USP10: variants seen among roughly 807,000 people sequenced by gnomAD.
USP10 encodes ubiquitin carboxyl-terminal hydrolase 10.
In USP10, 22 loss-of-function variants were observed where a neutral mutation model predicts 84.5. That is an observed-to-expected ratio of 0.26 (90% CI 0.19 to 0.37). The LOEUF is 0.37. Ranked by LOEUF, USP10 falls within the 10% of genes least tolerant of loss-of-function variation. The pLI, the probability that USP10 is intolerant of heterozygous loss-of-function variation, is 1.00. For synonymous variants in USP10, 454 were observed against 387.6 expected (o/e 1.17, Z -2.01); for missense variants, 1,019 against 998.9 (o/e 1.02, Z -0.27).
chr16:84,769,534 A>T (rs1914206356), intron 11 of USP10, among the ~76,000 whole-genome samples: 1 of 152,006 alleles, frequency 6.6e-6, no homozygotes, highest in South Asian at 2.1e-4. Context: ...GAGAGAGGGA[A>T]AAAGTGGTAT....
intron 4 of USP10, among the ~76,000 whole-genome samples, chr16:84,747,338 G>C (rs1010991752): frequency 3.3e-5 from 5 of 152,152 alleles, no homozygotes; most frequent in Non-Finnish European, 7.4e-5. Context: ...CACACCCTTC[G>C]ATGGATGGTC....
rs773350766 is a variant in USP10, at chr16:84,733,493, C to T, written c.80C>T (p.Ser27Phe). ...AATCAATTCTTTGTGACTCCTCGAT[C>T]TTCAGTTGAGGTAAGACAAAACTTT... ...EFNQFFVTPR[S>F]SVELPPYSGT... The change falls in exon 2 of 14, where the codon TCT (serine) becomes TTT (phenylalanine). Residue 27 changes from serine (S) to phenylalanine (F), a missense_variant. Coordinates refer to ENST00000219473, the MANE Select transcript of USP10 (RefSeq NM_005153.3). 23 of 1,609,338 alleles carry T rather than the reference C, an allele frequency of 1.4e-5. No individual in the cohort carries two copies. The highest frequency in any genetic ancestry group is 2.0e-5 in the Non-Finnish European group (23 of 1,178,704).
chr16:84,764,931 GAA>G (rs543483741), intron 10 of USP10, among the ~76,000 whole-genome samples: 1 of 39,256 alleles, frequency 2.5e-5, no homozygotes, highest in African/African-American at 8.7e-5. Context: ...GAGAGAGAGA[GAA>G]AAAAAAATAT....
chr16:84,705,752 C>G, intron 1 of USP10, among the ~76,000 whole-genome samples: 1 of 116,560 alleles, frequency 8.6e-6, no homozygotes. Flanking sequence ...GACAGTCTTG[C>G]TCTGTTGCCC....
At chr16:84,740,514 T>C (rs4510001) in intron 3 of USP10, 145 bp downstream of exon 3, 413,864 of 616,408 alleles carry the variant, frequency 0.67, 145,391 homozygotes, top group East Asian at 0.95. Context: ...TGTATTTAAT[T>C]GCTGAATCAC....
intron 12 of USP10, among the ~76,000 whole-genome samples, chr16:84,774,925 C>T (rs1409279205): frequency 3.3e-5 from 5 of 152,208 alleles, no homozygotes; most frequent in Non-Finnish European, 5.9e-5. Flanking sequence ...ATCACAGCCT[C>T]GGCCGTTGCT....
At chr16:84,726,728 G>T (rs142373988) in intron 1 of USP10, among the ~76,000 whole-genome samples, 1 of 152,244 alleles carries the variant, frequency 6.6e-6, no homozygotes, top group Admixed American at 6.5e-5. Flanking sequence ...AGGGGAAGTG[G>T]TGGAGGGGAA....
intron 1 of USP10, among the ~76,000 whole-genome samples, chr16:84,722,414 G>A (rs1230266110): frequency 6.6e-6 from 1 of 152,206 alleles, no homozygotes; most frequent in East Asian, 1.9e-4. Context: ...GTGGACATAG[G>A]TTTTCATTTC....
Position 84,757,402 on chromosome 16 carries a change from GGTGTGT to G in USP10, c.1193-1275_1193-1270del, listed in dbSNP as rs58812391. Among the ~76,000 whole-genome samples the G allele has an allele frequency of 4.9e-3, 404 of 82,848 alleles. 2 individuals are homozygous for G. Among genetic ancestry groups the G allele is most frequent in the East Asian group, 0.011 (41 of 3,700 alleles). The allele number at this position is 82,848 out of a possible 152,430, so 54.4% of individuals were successfully genotyped here. A position where few individuals can be genotyped will look rare whatever the true frequency, so the allele number is the denominator to read the frequency against. On this transcript the variant is annotated intron_variant, in intron 4 of 13. Transcript: ENST00000219473. ...GGAAGGAGGGAATGAGAGGGGTGGG[GGTGTGT>G]GTGTGTGTGTGTGTGTGTGTGTGTG... is the stretch of plus-strand genomic sequence containing the variant.
At chr16:84,712,041 C>CAGA (rs1247400210) in intron 1 of USP10, among the ~76,000 whole-genome samples, 1 of 152,098 alleles carries the variant, frequency 6.6e-6, no homozygotes, top group Non-Finnish European at 1.5e-5. Flanking sequence ...TTAAGGTGGA[C>CAGA]AGAAACACCT....
chr16:84,722,186 C>T (rs1022971170), intron 1 of USP10, among the ~76,000 whole-genome samples: 1 of 152,330 alleles, frequency 6.6e-6, no homozygotes, highest in East Asian at 1.9e-4. Context: ...ATTACATTGG[C>T]CCAGAATTAC....
At chr16:84,708,695 C>T (rs1905873238) in intron 1 of USP10, among the ~76,000 whole-genome samples, 1 of 152,234 alleles carries the variant, frequency 6.6e-6, no homozygotes, top group Non-Finnish European at 1.5e-5. Context: ...CACTTCCCAA[C>T]TCAGGTCCCA....
chr16:84,754,376 G>A (rs1040888884), intron 4 of USP10, among the ~76,000 whole-genome samples: 14 of 152,222 alleles, frequency 9.2e-5, no homozygotes, highest in Middle Eastern at 3.4e-3. Context: ...AGTCTGAAAA[G>A]GTTTATTCTG....
chr16:84,737,146 A>G (rs1028389414), intron 2 of USP10, among the ~76,000 whole-genome samples: 3 of 152,174 alleles, frequency 2.0e-5, no homozygotes, highest in Non-Finnish European at 2.9e-5. Flanking sequence ...AGAGTCTTTG[A>G]GACGGAAAGC....
chr16:84,733,867 TATGTGCTTTA>T (rs1909556596), intron 2 of USP10, among the ~76,000 whole-genome samples: 1 of 151,096 alleles, frequency 6.6e-6, no homozygotes, highest in Non-Finnish European at 1.5e-5. Context: ...CGTAGTGTTT[TATGTGCTTTA>T]AAGTGTCACG....
chr16:84,737,991 G>T (rs1256711164), intron 2 of USP10, among the ~76,000 whole-genome samples: 2 of 152,246 alleles, frequency 1.3e-5, no homozygotes, highest in Non-Finnish European at 2.9e-5. Context: ...TCTTCTGCAT[G>T]TTGTGGGAGT....
intron 2 of USP10, among the ~76,000 whole-genome samples, chr16:84,738,537 G>T (rs1303398300): frequency 6.6e-6 from 1 of 152,298 alleles, no homozygotes; most frequent in East Asian, 1.9e-4. Context: ...CCAGGTGCCT[G>T]CCAGCATCAA....
chr16:84,742,831 T>A (rs1298285525), intron 3 of USP10, among the ~76,000 whole-genome samples: 2 of 152,228 alleles, frequency 1.3e-5, no homozygotes, highest in Admixed American at 1.3e-4. Context: ...ATACTAATTA[T>A]AACATACTGA....
At chr16:84,703,662 G>C (rs1037221300) in intron 1 of USP10, among the ~76,000 whole-genome samples, 2 of 152,234 alleles carry the variant, frequency 1.3e-5, no homozygotes, top group Non-Finnish European at 2.9e-5. Context: ...CCTTTGCATA[G>C]TGACAGCAAG....
Sources: allele counts gnomAD v4.1 joint callset (sites outside exome capture counted in the v4.1 genomes callset), GRCh38; gene constraint gnomAD v4.1.1; transcripts MANE v1.5; gene names NCBI Gene and HGNC (gene_info 2026-07-23, HGNC 2026-07-21).